The following CHIA variants were observed in gnomAD, a reference collection of about 807,000 sequenced individuals.
CHIA encodes acidic mammalian chitinase.
In CHIA, 47 loss-of-function variants were observed where a neutral mutation model predicts 53.5. That is an observed-to-expected ratio of 0.88 (90% CI 0.70 to 1.12). CHIA has a LOEUF of 1.12. CHIA is among the 50% of genes most tolerant of loss of function. CHIA has a pLI of 0.00. For synonymous variants in CHIA, 268 were observed against 222.2 expected, an observed-to-expected ratio of 1.21 and a Z score of -1.83; for missense variants, 652 against 592.2, an observed-to-expected ratio of 1.10 and a Z score of -1.05.
intron 2 of CHIA, among the ~76,000 whole-genome samples, chr1:111,310,757 A>G (rs1306769936): frequency 6.6e-6 from 1 of 152,146 alleles, no homozygotes; most frequent in Non-Finnish European, 1.5e-5. Context: ...TCCTAGTGCT[A>G]GTCTTACTCT....
In CHIA at chr1:111,320,478, T is replaced by G; in HGVS notation, c.*12T>G. 1 of 1,610,014 alleles carries G rather than the reference T, an allele frequency of 6.2e-7. No individual in the cohort carries two copies. Among genetic ancestry groups the G allele is most frequent in the Non-Finnish European group, 8.5e-7 (1 of 1,176,668 alleles). ...GCAACTGGGCATAAACCTGACCTGGTCTATATTCCCTAGAGTTCCAGTCTC... is the reference window on the plus strand; with the variant it reads ...GCAACTGGGCATAAACCTGACCTGGGCTATATTCCCTAGAGTTCCAGTCTC... On this transcript the variant is annotated 3_prime_UTR_variant, in exon 12 of 12. Coordinates refer to ENST00000369740, the MANE Select transcript of CHIA (RefSeq NM_201653.4).
rs771636785 is a variant in CHIA at position 111,319,160 on chromosome 1, A to T, written c.956A>T (p.Asp319Val). 5 of 1,614,114 alleles carry T rather than the reference A, an allele frequency of 3.1e-6. No individual in the cohort carries two copies. The South Asian group carries it at 5.5e-5, about 18-fold the overall frequency. The change falls in exon 10 of 12, where the codon GAT (aspartate) becomes GTT (valine). Residue 319 changes from aspartate to valine, a missense_variant. Coordinates refer to ENST00000369740, the MANE Select transcript of CHIA (RefSeq NM_201653.4). ...AAAAATGGAGCCACTCAGGGATGGG[A>T]TGCCCCTCAGGAAGTGCCTTATGCC... ...FLKNGATQGWDAPQEVPYAYQ... is the reference protein window; with the variant it reads ...FLKNGATQGWVAPQEVPYAYQ...
chr1:111,307,942 A>C (rs1438075098), intron 1 of CHIA, among the ~76,000 whole-genome samples: 1 of 152,182 alleles, frequency 6.6e-6, no homozygotes, highest in Non-Finnish European at 1.5e-5. Flanking sequence ...AGGCTTGGCC[A>C]TATTTTTCTT....
chr1:111,292,071 A>G (rs1412078730), intron 1 of CHIA, among the ~76,000 whole-genome samples: 2 of 152,228 alleles, frequency 1.3e-5, no homozygotes, highest in South Asian at 2.1e-4. Context: ...TAATTCACAC[A>G]CAATGTTTTG....
At chr1:111,294,353 T>C (rs1661213849) in intron 1 of CHIA, among the ~76,000 whole-genome samples, 1 of 152,228 alleles carries the variant, frequency 6.6e-6, no homozygotes, top group Non-Finnish European at 1.5e-5. Flanking sequence ...ATTTTTCTTT[T>C]TTTATTCTCT....
intron 1 of CHIA, among the ~76,000 whole-genome samples, chr1:111,300,762 G>A (rs748715870): frequency 1.1e-4 from 17 of 151,986 alleles, no homozygotes; most frequent in Non-Finnish European, 1.9e-4. Flanking sequence ...GCTTCTGCAC[G>A]GCAAAAGAAA....
Position 111,319,454 on chromosome 1 carries a change from G to T in CHIA, c.1163G>T (p.Gly388Val). The part of the protein sequence containing the change: ...PLISTLKKAL[G>V]LQSASCTAPA... ...ATCTCCACCCTGAAGAAGGCCCTCG[G>T]CCTGCAGAGTGCAAGTAAGTGACTG... The change falls in exon 11 of 12, where the codon GGC (glycine) becomes GTC (valine). Residue 388 changes from glycine (G) to valine (V), a missense_variant. Coordinates refer to ENST00000369740, the MANE Select transcript of CHIA (RefSeq NM_201653.4). 1 of 1,613,896 alleles carries T rather than the reference G, an allele frequency of 6.2e-7. No individual in the cohort carries two copies. The highest frequency in any genetic ancestry group is 2.2e-5 in the East Asian group (1 of 44,884).
Position 111,314,568 on chromosome 1 carries a change from A to G in CHIA, c.286A>G (p.Ile96Val). 1.2e-6 allele frequency: 2 copies of G among 1,613,538 alleles called. No individual in the cohort carries two copies. Among genetic ancestry groups the G allele is most frequent in the Non-Finnish European group, 1.7e-6 (2 of 1,179,458 alleles). ...CAGCCAGCTGAAAACTCTCCTGGCC[A>G]TTGGAGGCTGGAACTTCGGGACTGC... Reference protein sequence around the residue: ...KNSQLKTLLAIGGWNFGTAPF... With the variant: ...KNSQLKTLLAVGGWNFGTAPF... The change falls in exon 5 of 12, where the codon ATT becomes GTT. Residue 96 changes from isoleucine to valine, a missense_variant. Physicochemically the swap from Ile to Val is conservative, Grantham distance 29 (BLOSUM62 3). Coordinates refer to ENST00000369740, the MANE Select transcript of CHIA (RefSeq NM_201653.4).
chr1:111,320,231 A>G lies in CHIA; in HGVS notation c.1196A>G (p.Gln399Arg), dbSNP rs985352253. 6.2e-7 allele frequency: 1 copy of G among 1,613,882 alleles called. No individual in the cohort carries two copies. The highest frequency in any genetic ancestry group is 8.5e-7 in the Non-Finnish European group (1 of 1,179,924). Residue 399 changes from glutamine to arginine, a missense_variant, in exon 12 of 12, where the codon CAG (glutamine) becomes CGG (arginine). Physicochemically the swap from Gln to Arg is conservative, Grantham distance 43. Transcript: ENST00000369740. ...LQSASCTAPA[Q>R]PIEPITAAPS... ...GTTTCAGGTTGCACGGCTCCAGCTC[A>G]GCCCATTGAGCCAATAACTGCTGCT...
At position 111,314,432 on chromosome 1, in the gene CHIA, A is replaced by T. The variant is rs149433345; in HGVS notation, c.258-108A>T. 1.3e-3 allele frequency: 959 copies of T among 725,668 alleles called. 14 individuals carry two copies. The East Asian group carries it at 0.024, about 18-fold the overall frequency. 45.0% of individuals were successfully genotyped at this position (725,668 alleles called of 1,614,324 possible). A position where few individuals can be genotyped will look rare whatever the true frequency, so the allele number is the denominator to read the frequency against. On this transcript the variant is annotated intron_variant, in intron 4 of 11. Transcript: ENST00000369740. ...AGTAGGGGAGGAAAATTGTTCTACA[A>T]AAGGCAAAACAAAAATATCTGACCA...
Position 111,310,388 on chromosome 1 carries a change from T to C in CHIA, c.-68-12T>C, listed in dbSNP as rs1016943732. The C allele has an allele frequency of 1.9e-5, 31 of 1,602,726 alleles. No individual in the cohort carries two copies. Among genetic ancestry groups the C allele is most frequent in the Non-Finnish European group, 2.5e-5 (29 of 1,175,846 alleles). ...CTACATACACATCTGGGTCAAATTG[T>C]TCTCTATTTAGAAGCCTTTGTGATA... On this transcript the variant is annotated splice_polypyrimidine_tract_variant and intron_variant, in intron 1 of 11. Coordinates refer to ENST00000369740, the MANE Select transcript of CHIA (RefSeq NM_201653.4).
intron 7 of CHIA, 56 bp from the exon 8 acceptor site, chr1:111,317,930 G>T (rs1649298536): frequency 1.2e-6 from 2 of 1,612,672 alleles, no homozygotes; most frequent in Non-Finnish European, 1.7e-6. Context: ...TCCTGTGCCT[G>T]CATAGGTGTG....
chr1:111,309,610 G>A lies in CHIA; in HGVS notation c.-68-790G>A, dbSNP rs939040083. 3.9e-5 allele frequency among the ~76,000 whole-genome samples: 6 copies of A among 152,202 alleles called. No individual in the cohort carries two copies. The South Asian group carries it at 1.0e-3, about 26-fold the overall frequency. Reference sequence around the variant, plus strand: ...GATACCTTGAGCAAAGACATGCAAGGCATGTTTGAGGGCAAAGAATAGTCC... The same window carrying A: ...GATACCTTGAGCAAAGACATGCAAGACATGTTTGAGGGCAAAGAATAGTCC... On this transcript the variant is annotated intron_variant, in intron 1 of 11. Transcript: ENST00000369740.
At chr1:111,307,454 G>A (rs1391227983) in intron 1 of CHIA, among the ~76,000 whole-genome samples, 3 of 152,148 alleles carry the variant, frequency 2.0e-5, no homozygotes. Context: ...ACTAATGAAT[G>A]TATCATTTGG....
chr1:111,298,365 G>A (rs6696410), intron 1 of CHIA, among the ~76,000 whole-genome samples: 46,174 of 152,032 alleles, frequency 0.3, 7,495 homozygotes, highest in African/African-American at 0.41. Context: ...CTCAGCAAAT[G>A]TAAAAGAACA....
In CHIA at chr1:111,315,302, G is replaced by T. The variant is rs146209261; in HGVS notation, c.347G>T (p.Arg116Leu). The T allele has an allele frequency of 1.2e-6, 2 of 1,612,706 alleles. No homozygotes were observed. The highest frequency in any genetic ancestry group is 1.1e-5 in the South Asian group (1 of 91,016). ...FTAMVSTPEN[R>L]QTFITSVIKF... Reference sequence around the variant, plus strand: ...GCCATGGTTTCTACTCCTGAGAACCGCCAGACTTTCATCACCTCAGTCATC... The same window carrying T: ...GCCATGGTTTCTACTCCTGAGAACCTCCAGACTTTCATCACCTCAGTCATC... The change falls in exon 6 of 12, where the codon CGC becomes CTC. Residue 116 changes from arginine to leucine, a missense_variant. Arg to Leu is a moderately radical substitution (Grantham distance 102, BLOSUM62 -2). Coordinates refer to ENST00000369740, the MANE Select transcript of CHIA (RefSeq NM_201653.4).
intron 1 of CHIA, among the ~76,000 whole-genome samples, chr1:111,295,889 T>C (rs539371791): frequency 3.3e-5 from 5 of 152,342 alleles, no homozygotes; most frequent in African/African-American, 1.2e-4. Flanking sequence ...TATTAGCAAA[T>C]GGTAGACCAG....
chr1:111,315,326 T>A lies in CHIA; in HGVS notation c.371T>A (p.Ile124Asn), dbSNP rs756885459. 1 of 1,613,616 alleles carries A rather than the reference T, an allele frequency of 6.2e-7. No homozygotes were observed. ...CGCCAGACTTTCATCACCTCAGTCATCAAATTCCTGCGCCAGTATGAGTTT... is the reference window on the plus strand; with the variant it reads ...CGCCAGACTTTCATCACCTCAGTCAACAAATTCCTGCGCCAGTATGAGTTT... ...ENRQTFITSV[I>N]KFLRQYEFDG... The change falls in exon 6 of 12, where the codon ATC (isoleucine) becomes AAC (asparagine). Residue 124 changes from isoleucine to asparagine, a missense_variant. Physicochemically the swap from Ile to Asn is moderately radical, Grantham distance 149. Transcript: ENST00000369740.
chr1:111,315,641 C>T (rs1454714746), intron 6 of CHIA: 2 of 603,936 alleles, frequency 3.3e-6, no homozygotes, highest in South Asian at 1.9e-5. Context: ...CCAGGCACTG[C>T]TCTACATGTT....
Sources: gnomAD v4.1 joint callset for allele counts (sites outside exome capture counted in the v4.1 genomes callset) on GRCh38, gnomAD v4.1.1 for gene constraint, MANE v1.5 for transcripts, NCBI Gene and HGNC (gene_info 2026-07-23, HGNC 2026-07-21) for gene names.